Variants in SNX10 observed in about 807,000 individuals in gnomAD.
The protein encoded by SNX10 is sorting nexin-10.
In SNX10, 25 loss-of-function variants were observed where a neutral mutation model predicts 28.5. That is an observed-to-expected ratio of 0.88 (90% CI 0.64 to 1.22). SNX10 has a LOEUF of 1.22. Among genes scored for constraint, SNX10 ranks in the 50% most tolerant of loss-of-function variants. SNX10 has a pLI of 0.00. For synonymous variants in SNX10, 62 were observed against 81.4 expected, an observed-to-expected ratio of 0.76 and a Z score of 1.28; for missense variants, 223 against 242.6, an observed-to-expected ratio of 0.92 and a Z score of 0.54.
rs578090578 is a variant in SNX10 at position 26,368,549 on chromosome 7, C to T, written c.312-3272C>T. On this transcript the variant is annotated intron_variant, in intron 5 of 6. Coordinates refer to ENST00000338523, the MANE Select transcript of SNX10 (RefSeq NM_013322.3). ...AATAGATTTGTTCATGACTGGGAGC[C>T]GCTTCCCTTCTTTACTGAATTCATC... Among the ~76,000 whole-genome samples the T allele has an allele frequency of 2.6e-5, 4 of 152,212 alleles. No individual in the cohort carries two copies. In the South Asian group the frequency reaches 6.2e-4, roughly 24 times the overall value.
At chr7:26,314,073 A>G (rs1378045106) in intron 1 of SNX10, among the ~76,000 whole-genome samples, 1 of 152,112 alleles carries the variant, frequency 6.6e-6, no homozygotes, top group African/African-American at 2.4e-5. Context: ...TCTCCTTTCA[A>G]AGTGCTGGGA....
At chr7:26,338,345 C>A (rs1012563664) in intron 1 of SNX10, among the ~76,000 whole-genome samples, 1 of 151,992 alleles carries the variant, frequency 6.6e-6, no homozygotes, top group Non-Finnish European at 1.5e-5. Context: ...TGCCCACTGC[C>A]TAGACAGAGC....
chr7:26,347,557 C>A (rs1312638422), intron 2 of SNX10, among the ~76,000 whole-genome samples: 1 of 152,064 alleles, frequency 6.6e-6, no homozygotes, highest in African/African-American at 2.4e-5. Context: ...AAACCAAAAA[C>A]CAAAATAATT....
intron 3 of SNX10, 32 bp downstream of exon 3, chr7:26,361,093 T>C: frequency 6.4e-7 from 1 of 1,560,188 alleles, no homozygotes; most frequent in Non-Finnish European, 8.7e-7. Flanking sequence ...ATAGTAATTT[T>C]GAGGGACTTT....
At chr7:26,292,195 C>G (rs569251926) in intron 1 of SNX10, 109 bp downstream of exon 1, 3 of 152,286 alleles carry the variant, frequency 2.0e-5, no homozygotes, top group Non-Finnish European at 4.4e-5. Flanking sequence ...CAGGTGCCCG[C>G]ACCCTTGCGG....
At chr7:26,323,140 C>T (rs903282369) in intron 1 of SNX10, among the ~76,000 whole-genome samples, 1 of 151,982 alleles carries the variant, frequency 6.6e-6, no homozygotes, top group African/African-American at 2.4e-5. Flanking sequence ...GTGCCAGCTA[C>T]TTGGGAGGCT....
intron 5 of SNX10, among the ~76,000 whole-genome samples, chr7:26,368,499 G>A (rs1329521846): frequency 1.3e-5 from 2 of 152,146 alleles, no homozygotes; most frequent in African/African-American, 4.8e-5. Flanking sequence ...TTTTAGGTTT[G>A]AATGGGATTT....
At position 26,364,591 on chromosome 7, in the gene SNX10, A is replaced by G. The variant is rs1262043315; in HGVS notation, c.168A>G (p.Glu56=). Residue 56 remains glutamate (E), a synonymous_variant, in exon 4 of 7, where the codon GAA becomes GAG. Transcript: ENST00000338523. This position sits in a 1 kb window ranked among gnomAD's most constrained non-coding sequence, Gnocchi z 4.9. ...KTSCVRRRYR[E]FVWLRQRLQS... ...CCTGTGTACGAAGAAGATATAGAGA[A>G]TTCGTGTGGCTGAGGCAGAGACTCC... is the stretch of plus-strand genomic sequence containing the variant. 3 of 1,614,066 alleles carry G rather than the reference A, an allele frequency of 1.9e-6. No individual in the cohort carries two copies. The highest frequency in any genetic ancestry group is 1.7e-6 in the Non-Finnish European group (2 of 1,179,940).
intron 2 of SNX10, among the ~76,000 whole-genome samples, chr7:26,350,962 C>G (rs1036161987): frequency 6.6e-6 from 1 of 151,284 alleles, no homozygotes; most frequent in Non-Finnish European, 1.5e-5. Context: ...TTTCTTAACT[C>G]TTCTTCCAGA....
chr7:26,329,950 C>T (rs1787670394), intron 1 of SNX10, among the ~76,000 whole-genome samples: 1 of 151,962 alleles, frequency 6.6e-6, no homozygotes, highest in Non-Finnish European at 1.5e-5. Flanking sequence ...GGGAGGTCCA[C>T]AGGGAGATGG....
rs1333087609 is a variant in SNX10 at position 26,373,154 on chromosome 7, G to A, written c.*582G>A. On this transcript the variant is annotated 3_prime_UTR_variant, in exon 7 of 7. Transcript: ENST00000338523. The surrounding 1 kb of genome is among the most constrained non-coding windows in gnomAD (Gnocchi z 4.2). ...TTCTGTTTCACGCTTAGATGGAAAT[G>A]TATCTTATGAATAGAGACATATTAA... 6.6e-6 allele frequency: 1 copy of A among 152,040 alleles called. No individual in the cohort carries two copies. Among genetic ancestry groups the A allele is most frequent in the Non-Finnish European group, 1.5e-5 (1 of 67,938 alleles). The allele number at this position is 152,040 out of a possible 1,614,324, so 9.4% of individuals were successfully genotyped here. A position where few individuals can be genotyped will look rare whatever the true frequency, so the allele number is the denominator to read the frequency against.
In SNX10 at chr7:26,359,128, T is replaced by G. The variant is rs559456230; in HGVS notation, c.25-1847T>G. Among the ~76,000 whole-genome samples the G allele has an allele frequency of 3.9e-5, 6 of 152,206 alleles. No individual in the cohort carries two copies. In the South Asian group the frequency reaches 1.2e-3, roughly 32 times the overall value. On this transcript the variant is annotated intron_variant, in intron 2 of 6. Transcript: ENST00000338523. ...TGTTCTTATTCTATCCCCTAAATGA[T>G]TTTAAAAATACACAATGAAAATATT...
rs753974313 is a variant in SNX10, at chr7:26,365,151, T to C, written c.311+6T>C. On this transcript the variant is annotated splice_donor_region_variant and intron_variant, in intron 5 of 6. Coordinates refer to ENST00000338523, the MANE Select transcript of SNX10 (RefSeq NM_013322.3). The stretch of plus-strand genomic sequence containing the variant: ...CTGGAAGATTTCCTCAGAAAGTGAG[T>C]GTCCAGAAACTTTTGTGGCCAGACA... 1.1e-5 allele frequency: 18 copies of C among 1,579,560 alleles called. No individual in the cohort carries two copies. The African/African-American group carries it at 1.6e-4, about 14-fold the overall frequency.
chr7:26,362,221 A>G (rs1379665666), intron 3 of SNX10, among the ~76,000 whole-genome samples: 1 of 152,242 alleles, frequency 6.6e-6, no homozygotes, highest in African/African-American at 2.4e-5. Context: ...TTTACTTATA[A>G]GCTCACACTA....
Position 26,291,935 on chromosome 7 carries a change from C to CGGGGAGCGCGGGGAGCGCG in SNX10, c.-171_-153dup, listed in dbSNP as rs1554347701. 1.2e-4 allele frequency: 17 copies of CGGGGAGCGCGGGGAGCGCG among 145,712 alleles called. No individual in the cohort carries two copies. The highest frequency in any genetic ancestry group is 9.8e-4 in the East Asian group (5 of 5,096). 9.0% of individuals were successfully genotyped at this position (145,712 alleles called of 1,614,324 possible). A position where few individuals can be genotyped will look rare whatever the true frequency, so the allele number is the denominator to read the frequency against. On this transcript the variant is annotated 5_prime_UTR_variant, in exon 1 of 7. Coordinates refer to ENST00000338523, the MANE Select transcript of SNX10 (RefSeq NM_013322.3). The stretch of plus-strand genomic sequence containing the variant: ...GGGGCCGCTACGTGCGCGGGGAGCG[C>CGGGGAGCGCGGGGAGCGCG]GGGGAGCGCGGGGAGCGCGGGGCTG...
chr7:26,368,125 A>G (rs1158928856), intron 5 of SNX10, among the ~76,000 whole-genome samples: 3 of 152,186 alleles, frequency 2.0e-5, no homozygotes, highest in Non-Finnish European at 2.9e-5. Context: ...TTTATCGAAC[A>G]CTTTCTACGT....
At chr7:26,300,249 AT>A (rs74964763) in intron 1 of SNX10, among the ~76,000 whole-genome samples, 1,544 of 144,344 alleles carry the variant, frequency 0.011, 13 homozygotes, top group African/African-American at 0.029. Flanking sequence ...CAAAATAATA[AT>A]TTTTTTTTTT....
chr7:26,307,360 G>A (rs540678565), intron 1 of SNX10, among the ~76,000 whole-genome samples: 4 of 152,262 alleles, frequency 2.6e-5, no homozygotes, highest in East Asian at 3.9e-4. Flanking sequence ...GGGAACACCA[G>A]TCTTCTTCCA....
intron 1 of SNX10, among the ~76,000 whole-genome samples, chr7:26,322,387 T>C (rs1419797457): frequency 2.0e-5 from 3 of 152,154 alleles, no homozygotes; most frequent in Non-Finnish European, 2.9e-5. Context: ...TTTGTCACCC[T>C]CCCAAAATAA....
Sources: gnomAD v4.1 joint callset for allele counts (sites outside exome capture counted in the v4.1 genomes callset) on GRCh38, gnomAD v4.1.1 for gene constraint, Gnocchi (gnomAD v3.1) non-coding constraint, MANE v1.5 for transcripts, NCBI Gene and HGNC (gene_info 2026-07-23, HGNC 2026-07-21) for gene names.